The following TM2D3 variants were observed in gnomAD, a reference collection of about 807,000 sequenced individuals.
TM2D3 encodes TM2 domain containing 3, also known as TM2 domain-containing protein 3.
In TM2D3, 33 loss-of-function variants were observed where a neutral mutation model predicts 27.3. That is an observed-to-expected ratio of 1.21 (90% CI 0.92 to 1.61). TM2D3 has a LOEUF of 1.61. Among genes scored for constraint, TM2D3 ranks in the 40% most tolerant of loss-of-function variants. TM2D3 has a pLI of 0.00. For synonymous variants in TM2D3, 138 were observed against 122.2 expected (o/e 1.13, Z -0.85); for missense variants, 364 against 320.8 (o/e 1.13, Z -1.03).
At chr15:101,637,103 T>G (rs1896568339), downstream of TM2D3, among the ~76,000 whole-genome samples, 2 of 152,210 alleles carry the variant, frequency 1.3e-5, no homozygotes, top group African/African-American at 2.4e-5. Context: ...TGGTTCCATC[T>G]GGAAAGGCAG....
intron 4 of TM2D3, chr15:101,646,499 C>A: frequency 2.2e-6 from 1 of 446,294 alleles, no homozygotes. Context: ...CTTTATACTT[C>A]AAATGTTTTT....
At chr15:101,639,719 G>T (rs1596260517), downstream of TM2D3, among the ~76,000 whole-genome samples, 1 of 152,094 alleles carries the variant, frequency 6.6e-6, no homozygotes, top group Non-Finnish European at 1.5e-5. Flanking sequence ...GCAGAAATCA[G>T]ATCAACATGG....
intron 2 of TM2D3, 140 bp from the exon 3 acceptor site, chr15:101,650,301 G>C: frequency 2.5e-6 from 2 of 788,086 alleles, no homozygotes; most frequent in Non-Finnish European, 1.9e-6. Flanking sequence ...TGGAGTCAGA[G>C]ACACCTGCAA....
intron 3 of TM2D3, 41 bp from the exon 4 acceptor site, chr15:101,646,940 G>A: frequency 6.2e-7 from 1 of 1,609,840 alleles, no homozygotes; most frequent in South Asian, 1.1e-5. Flanking sequence ...TCACAATGGT[G>A]TAGTCTGTTA....
chr15:101,651,653 G>A (rs1040123536), intron 2 of TM2D3, 43 bp downstream of exon 2: 44 of 1,554,868 alleles, frequency 2.8e-5, no homozygotes, highest in Non-Finnish European at 3.5e-5. Context: ...GAAACTACTA[G>A]AGATAACTAC....
chr15:101,642,675 G>T, intron 5 of TM2D3, 31 bp from the exon 6 acceptor site: 1 of 1,554,900 alleles, frequency 6.4e-7, no homozygotes. Context: ...GATTCCATGA[G>T]ACCACCTCCA....
At chr15:101,638,533 G>C (rs1031160859), downstream of TM2D3, among the ~76,000 whole-genome samples, 5 of 152,088 alleles carry the variant, frequency 3.3e-5, no homozygotes, top group African/African-American at 1.2e-4. Context: ...CCTAGCCTCA[G>C]GTGATCTGCC....
At chr15:101,645,196 A>G (rs758560311) in intron 4 of TM2D3, 34 bp from the exon 5 acceptor site, 21 of 1,528,392 alleles carry the variant, frequency 1.4e-5, no homozygotes, top group Middle Eastern at 3.4e-4. Context: ...AATACAGGGT[A>G]TAAAAAATAC....
chr15:101,639,255 TA>T (rs761680373), downstream of TM2D3, among the ~76,000 whole-genome samples: 3 of 152,144 alleles, frequency 2.0e-5, no homozygotes, highest in Non-Finnish European at 4.4e-5. Context: ...GTATATACAA[TA>T]AAAGTTTAAA....
Position 101,642,357 on chromosome 15 carries a change from G to A in TM2D3, c.*122C>T. The stretch of plus-strand genomic sequence containing the variant: ...GTTTCATTTATCTTACCTTTATCAA[G>A]GCAAACAAAGTACAGATGCTGTACA... On this transcript the variant is annotated 3_prime_UTR_variant, in exon 6 of 6. Coordinates refer to ENST00000333202, the MANE Select transcript of TM2D3 (RefSeq NM_078474.3). 7.4e-7 allele frequency: 1 copy of A among 1,351,852 alleles called. No individual in the cohort carries two copies. Among genetic ancestry groups the A allele is most frequent in the East Asian group, 2.7e-5 (1 of 36,918 alleles). The allele number at this position is 1,351,852 out of a possible 1,614,324, so 83.7% of individuals were successfully genotyped here. A position where few individuals can be genotyped will look rare whatever the true frequency, so the allele number is the denominator to read the frequency against.
chr15:101,645,957 C>T (rs1319781866), intron 4 of TM2D3: 1 of 152,178 alleles, frequency 6.6e-6, no homozygotes, highest in African/African-American at 2.4e-5. Context: ...GGAACAGTTA[C>T]ATAGCGCGGG....
chr15:101,641,438 T>C (rs917860582), downstream of TM2D3, among the ~76,000 whole-genome samples: 5 of 152,216 alleles, frequency 3.3e-5, no homozygotes, highest in Admixed American at 6.5e-5. Flanking sequence ...ACCTTTCAGG[T>C]AAACTGAAAT....
intron 5 of TM2D3, among the ~76,000 whole-genome samples, chr15:101,643,006 C>T (rs1438905936): frequency 1.3e-5 from 2 of 152,042 alleles, no homozygotes; most frequent in African/African-American, 4.8e-5. Context: ...ACCACCTGGA[C>T]GACCTGGATC....
chr15:101,652,221 C>T, intron 1 of TM2D3, 50 bp downstream of exon 1: 1 of 1,526,732 alleles, frequency 6.5e-7, no homozygotes, highest in Non-Finnish European at 9.0e-7. Flanking sequence ...GCTCCCGGGG[C>T]CCTGCTGCCA....
At chr15:101,651,654 A>C (rs1896972207) in intron 2 of TM2D3, 42 bp downstream of exon 2, 3 of 1,556,664 alleles carry the variant, frequency 1.9e-6, no homozygotes, top group East Asian at 4.5e-5. Flanking sequence ...AAACTACTAG[A>C]GATAACTACA....
In TM2D3 at chr15:101,642,407, C is replaced by T. The variant is rs188631395; in HGVS notation, c.*72G>A. ...ATTAAAAACATAGAAATATATCACTCACACCACATCAACTCCTACGGACAA... is the reference window on the plus strand; with the variant it reads ...ATTAAAAACATAGAAATATATCACTTACACCACATCAACTCCTACGGACAA... On this transcript the variant is annotated 3_prime_UTR_variant, in exon 6 of 6. Transcript: ENST00000333202. The T allele has an allele frequency of 4.7e-3, 6,895 of 1,469,804 alleles. 32 individuals carry two copies. Among genetic ancestry groups the T allele is most frequent in the Non-Finnish European group, 5.3e-3 (5,846 of 1,106,272 alleles). The allele number at this position is 1,469,804 out of a possible 1,614,324, so 91.0% of individuals were successfully genotyped here.
rs1471467478 is a variant in TM2D3, at chr15:101,645,029, TC to T, written c.578+57del. The stretch of plus-strand genomic sequence containing the variant: ...GGGACTGAGCTCAATGTCTGAAGAT[TC>T]CACCAATCCCAAAGAAATGCAAACG... On this transcript the variant is annotated intron_variant, in intron 5 of 5. Transcript: ENST00000333202. The T allele has an allele frequency of 1.2e-5, 17 of 1,458,662 alleles. 1 individual carries two copies. The African/African-American group carries it at 1.4e-4, about 12-fold the overall frequency. The allele number at this position is 1,458,662 out of a possible 1,614,324, so 90.4% of individuals were successfully genotyped here. A position where few individuals can be genotyped will look rare whatever the true frequency, so the allele number is the denominator to read the frequency against.
At chr15:101,635,296 A>G (rs1385658232) in intron 4 of TM2D3, 1 of 152,198 alleles carries the variant, frequency 6.6e-6, no homozygotes, top group East Asian at 1.9e-4. Context: ...TATAATACTT[A>G]TATTAGAAAA....
intron 2 of TM2D3, 27 bp downstream of exon 2, chr15:101,651,669 T>C (rs755778356): frequency 6.2e-7 from 1 of 1,603,672 alleles, no homozygotes; most frequent in South Asian, 1.1e-5. Flanking sequence ...ACTACATGTA[T>C]TTACTAGAAT....
Sources: gnomAD v4.1 joint callset for allele counts (sites outside exome capture counted in the v4.1 genomes callset) on GRCh38, gnomAD v4.1.1 for gene constraint, MANE v1.5 for transcripts, NCBI Gene and HGNC (gene_info 2026-07-23, HGNC 2026-07-21) for gene names.